Variants in EXT1 observed in about 807,000 individuals in gnomAD.
The protein encoded by EXT1 is exostosin-1.
A neutral mutation model predicts 82.5 loss-of-function variants in EXT1; 20 were observed. The observed-to-expected ratio is 0.24, with a 90% CI of 0.17 to 0.35. The LOEUF (loss-of-function observed/expected upper bound fraction) is 0.35, where lower values mean the gene tolerates loss of function less well. Ranked by LOEUF, EXT1 falls within the 10% of genes least tolerant of loss-of-function variation. The pLI, the probability that EXT1 is intolerant of heterozygous loss-of-function variation, is 1.00. For synonymous variants in EXT1, 348 were observed against 350.8 expected (o/e 0.99, Z 0.09); for missense variants, 757 against 936.5 (o/e 0.81, Z 2.50).
chr8:117,940,817 C>T (rs1031699324), intron 1 of EXT1, among the ~76,000 whole-genome samples: 1 of 152,164 alleles, frequency 6.6e-6, no homozygotes, highest in Non-Finnish European at 1.5e-5. Flanking sequence ...TGGCATCCTG[C>T]GTGTATTCCT....
intron 1 of EXT1, among the ~76,000 whole-genome samples, chr8:117,909,887 C>A (rs1449268416): frequency 6.6e-6 from 1 of 152,194 alleles, no homozygotes; most frequent in Non-Finnish European, 1.5e-5. Flanking sequence ...CCTGCCTCAG[C>A]CTCCCAAGTA....
At chr8:117,907,939 C>A (rs1243924595) in intron 1 of EXT1, among the ~76,000 whole-genome samples, 1 of 152,130 alleles carries the variant, frequency 6.6e-6, no homozygotes, top group Non-Finnish European at 1.5e-5. Flanking sequence ...ATTGGCTCTG[C>A]AATATTTTTG....
At chr8:117,991,217 T>G (rs1044831491) in intron 1 of EXT1, among the ~76,000 whole-genome samples, 6 of 152,104 alleles carry the variant, frequency 3.9e-5, no homozygotes, top group Admixed American at 6.6e-5. Context: ...TTCAAGCAAT[T>G]CTTGTGTCTC....
chr8:118,006,884 T>C (rs554503700), intron 1 of EXT1, among the ~76,000 whole-genome samples: 1 of 152,336 alleles, frequency 6.6e-6, no homozygotes, highest in Non-Finnish European at 1.5e-5. Flanking sequence ...ACCGTGGCCA[T>C]GTAGAAATGC....
At chr8:118,074,834 C>T (rs1035957270) in intron 1 of EXT1, among the ~76,000 whole-genome samples, 2 of 151,676 alleles carry the variant, frequency 1.3e-5, no homozygotes, top group African/African-American at 4.8e-5. Context: ...AAATGCAAAA[C>T]GAGAAAAAAA....
chr8:117,865,665 T>C (rs113024308), intron 1 of EXT1, among the ~76,000 whole-genome samples: 5 of 152,240 alleles, frequency 3.3e-5, no homozygotes, highest in African/African-American at 1.2e-4. Flanking sequence ...TCAAGACTCA[T>C]AGCAAAACTT....
intron 1 of EXT1, among the ~76,000 whole-genome samples, chr8:118,064,233 G>A (rs991035888): frequency 6.6e-6 from 1 of 151,902 alleles, no homozygotes; most frequent in South Asian, 2.1e-4. Flanking sequence ...AGAATGTGCA[G>A]GTTTGTTACA....
At chr8:118,056,046 A>G (rs763656386) in intron 1 of EXT1, among the ~76,000 whole-genome samples, 10 of 152,032 alleles carry the variant, frequency 6.6e-5, no homozygotes, top group Non-Finnish European at 1.0e-4. Flanking sequence ...CATAAAATAC[A>G]TTAACACTTG....
intron 1 of EXT1, among the ~76,000 whole-genome samples, chr8:117,969,122 G>A (rs937665137): frequency 5.3e-5 from 8 of 152,074 alleles, no homozygotes; most frequent in East Asian, 1.9e-4. Flanking sequence ...CAAAAGCCTC[G>A]GGGCAGGGTC....
In EXT1 at chr8:117,798,626, C is replaced by T. The variant is rs1229377630; in HGVS notation, c.*1086G>A. The T allele has an allele frequency of 3.3e-5, 5 of 152,188 alleles. No individual in the cohort carries two copies. The highest frequency in any genetic ancestry group is 1.2e-4 in the African/African-American group (5 of 41,436). The allele number at this position is 152,188 out of a possible 1,614,324, so 9.4% of individuals were successfully genotyped here. ...TTGACCAAAAATGGCATTAGGGTCCCAATGGCGAGACATCTCCTCAGTTAC... is the reference window on the plus strand; with the variant it reads ...TTGACCAAAAATGGCATTAGGGTCCTAATGGCGAGACATCTCCTCAGTTAC... On this transcript the variant is annotated 3_prime_UTR_variant, in exon 11 of 11. Coordinates refer to ENST00000378204, the MANE Select transcript of EXT1 (RefSeq NM_000127.3).
At chr8:118,038,878 C>T (rs1463782597) in intron 1 of EXT1, among the ~76,000 whole-genome samples, 2 of 152,236 alleles carry the variant, frequency 1.3e-5, no homozygotes, top group African/African-American at 2.4e-5. Flanking sequence ...GTCTGTTCCT[C>T]TTTTCCTATA....
chr8:118,094,307 T>C (rs1002240615), intron 1 of EXT1, among the ~76,000 whole-genome samples: 2 of 152,210 alleles, frequency 1.3e-5, no homozygotes, highest in African/African-American at 4.8e-5. Context: ...CTACTGTATT[T>C]TGGCAACAGT....
chr8:117,837,354 G>A (rs1812204799), intron 1 of EXT1, among the ~76,000 whole-genome samples, 153 bp from the exon 2 acceptor site: 1 of 152,188 alleles, frequency 6.6e-6, no homozygotes, highest in Non-Finnish European at 1.5e-5. Context: ...TGAGGAAGGA[G>A]GTTGGGTTGC....
At chr8:117,949,748 G>A (rs556650384) in intron 1 of EXT1, among the ~76,000 whole-genome samples, 1 of 152,052 alleles carries the variant, frequency 6.6e-6, no homozygotes, top group Non-Finnish European at 1.5e-5. Context: ...GAAAACGAAA[G>A]AGAGAAAAAG....
At chr8:117,871,958 C>CT (rs1431185737) in intron 1 of EXT1, among the ~76,000 whole-genome samples, 12 of 152,038 alleles carry the variant, frequency 7.9e-5, no homozygotes, top group Non-Finnish European at 1.5e-4. Flanking sequence ...GACCTTGTCT[C>CT]TGCTAAAAAT....
At chr8:117,837,943 G>A (rs2129793700) in intron 1 of EXT1, among the ~76,000 whole-genome samples, 1 of 152,036 alleles carries the variant, frequency 6.6e-6, no homozygotes, top group Non-Finnish European at 1.5e-5. Flanking sequence ...ACCATTTAAT[G>A]ATATTACATT....
intron 1 of EXT1, among the ~76,000 whole-genome samples, chr8:117,980,582 G>A (rs746116366): frequency 5.9e-5 from 9 of 152,146 alleles, no homozygotes; most frequent in Non-Finnish European, 1.2e-4. Context: ...AATCCCACTC[G>A]GAAAGTTTGC....
intron 1 of EXT1, among the ~76,000 whole-genome samples, chr8:118,054,782 A>G (rs1313517827): frequency 6.6e-6 from 1 of 152,124 alleles, no homozygotes; most frequent in Non-Finnish European, 1.5e-5. Flanking sequence ...TCATTCTCTC[A>G]AAGTACCTGG....
chr8:117,889,958 TA>T (rs1276408781), intron 1 of EXT1, among the ~76,000 whole-genome samples: 1 of 152,196 alleles, frequency 6.6e-6, no homozygotes, highest in African/African-American at 2.4e-5. Flanking sequence ...AAAAAAATGA[TA>T]ATTTCCCTGA....
Sources: allele counts gnomAD v4.1 joint callset (sites outside exome capture counted in the v4.1 genomes callset), GRCh38; gene constraint gnomAD v4.1.1; transcripts MANE v1.5; gene names NCBI Gene and HGNC (gene_info 2026-07-23, HGNC 2026-07-21).